Variants in CNTN6 observed in about 807,000 individuals in gnomAD.
CNTN6 encodes the protein contactin 6, also known as contactin-6.
In CNTN6, 137 loss-of-function variants were observed where a neutral mutation model predicts 122.8. The observed-to-expected ratio is 1.12, with a 90% CI of 0.97 to 1.29. The LOEUF (loss-of-function observed/expected upper bound fraction) is 1.29. Among genes scored for constraint, CNTN6 ranks in the 50% most tolerant of loss-of-function variants. The probability of loss-of-function intolerance (pLI) is 0.00; values close to 1 mark genes in which losing one functional copy is unlikely to be tolerated. For synonymous variants in CNTN6, 570 were observed against 426.0 expected (o/e 1.34, Z -4.16); for missense variants, 1,634 against 1,223.4 (o/e 1.34, Z -5.01).
At chr3:1,320,893 A>C (rs552611043) in intron 7 of CNTN6, among the ~76,000 whole-genome samples, 12 of 151,842 alleles carry the variant, frequency 7.9e-5, no homozygotes, top group Admixed American at 2.6e-4. Flanking sequence ...ATTAGACTAA[A>C]AATAATAGAT....
chr3:1,123,418 G>A (rs1182927225), intron 1 of CNTN6, among the ~76,000 whole-genome samples: 1 of 151,716 alleles, frequency 6.6e-6, no homozygotes, highest in Non-Finnish European at 1.5e-5. Flanking sequence ...ATTATACGTT[G>A]ATGTTTTTTT....
intron 5 of CNTN6, among the ~76,000 whole-genome samples, chr3:1,280,045 T>A (rs1693097070): frequency 2.0e-5 from 3 of 152,182 alleles, no homozygotes; most frequent in African/African-American, 7.2e-5. Flanking sequence ...GGCACCATAA[T>A]CTAAGATGAC....
At chr3:1,363,113 A>T (rs79816748) in intron 12 of CNTN6, among the ~76,000 whole-genome samples, 1 of 151,962 alleles carries the variant, frequency 6.6e-6, no homozygotes, top group East Asian at 1.9e-4. Context: ...TAAAAATTTC[A>T]TATATTTAAG....
intron 2 of CNTN6, among the ~76,000 whole-genome samples, chr3:1,194,049 G>A (rs980454316): frequency 5.9e-5 from 9 of 151,898 alleles, no homozygotes; most frequent in African/African-American, 2.4e-5. Flanking sequence ...TTTAGTTCAC[G>A]CAACCAAAGT....
chr3:1,142,402 C>G (rs930300152), intron 1 of CNTN6, among the ~76,000 whole-genome samples: 7 of 152,196 alleles, frequency 4.6e-5, no homozygotes, highest in African/African-American at 1.4e-4. Flanking sequence ...AAAGGCAGGG[C>G]TCACAGTCTG....
chr3:1,309,597 G>A (rs422088), intron 7 of CNTN6, among the ~76,000 whole-genome samples: 1,701 of 152,172 alleles, frequency 0.011, 35 homozygotes, highest in African/African-American at 0.039. Context: ...CATTGTGTTG[G>A]CTATTTTGTT....
intron 2 of CNTN6, among the ~76,000 whole-genome samples, chr3:1,168,877 T>A (rs1259068068): frequency 6.6e-6 from 1 of 152,230 alleles, no homozygotes; most frequent in Non-Finnish European, 1.5e-5. Context: ...TAGGTTAATT[T>A]TTTTTAAGAA....
rs143541336 is a variant in CNTN6 at position 1,137,014 on chromosome 3, A to G, written c.-82-10913A>G. On this transcript the variant is annotated intron_variant, in intron 1 of 22. Transcript: ENST00000446702. ...GTATTTGAAAAATTCTATTATTACT[A>G]TTATTCTCATTATCTTCCTTTTCAG... Among the ~76,000 whole-genome samples the G allele has an allele frequency of 1.3e-3, 200 of 152,212 alleles. 1 individual carries two copies. The highest frequency in any genetic ancestry group is 4.6e-3 in the African/African-American group (193 of 41,514).
At chr3:1,214,512 G>C (rs2094102382) in intron 2 of CNTN6, among the ~76,000 whole-genome samples, 1 of 151,670 alleles carries the variant, frequency 6.6e-6, no homozygotes, top group African/African-American at 2.4e-5. Flanking sequence ...GTTTCACTAT[G>C]TTGGCCAGGC....
At chr3:1,168,929 T>C (rs2093310743) in intron 2 of CNTN6, among the ~76,000 whole-genome samples, 1 of 152,150 alleles carries the variant, frequency 6.6e-6, no homozygotes, top group Non-Finnish European at 1.5e-5. Flanking sequence ...TCAAACTATA[T>C]TGCTGATATA....
intron 2 of CNTN6, among the ~76,000 whole-genome samples, chr3:1,157,257 G>T (rs1053617798): frequency 1.0e-4 from 15 of 149,180 alleles, no homozygotes; most frequent in African/African-American, 3.7e-4. Flanking sequence ...TGTCTCTGTT[G>T]CCCAGGCTGG....
At chr3:1,267,674 C>T (rs932682496) in intron 4 of CNTN6, among the ~76,000 whole-genome samples, 12 of 152,140 alleles carry the variant, frequency 7.9e-5, no homozygotes, top group Middle Eastern at 6.8e-3. Context: ...CATTTACGGT[C>T]CAAGTTAAAA....
intron 2 of CNTN6, among the ~76,000 whole-genome samples, chr3:1,195,485 A>G (rs2093763191): frequency 6.6e-6 from 1 of 152,208 alleles, no homozygotes. Flanking sequence ...GTTTTGATGA[A>G]GACTTGTAAA....
At position 1,101,056 on chromosome 3, in the gene CNTN6, T is replaced by C. The variant is rs575332334; in HGVS notation, c.-83+7936T>C. 2.6e-5 allele frequency among the ~76,000 whole-genome samples: 4 copies of C among 152,294 alleles called. No individual in the cohort carries two copies. The East Asian group carries it at 7.7e-4, about 29-fold the overall frequency. On this transcript the variant is annotated intron_variant, in intron 1 of 22. Transcript: ENST00000446702. ...GCTTTTGCATAGCATCGCATTGCTA[T>C]TGATTCTACAGTGGCTCTACAAATA... is the stretch of plus-strand genomic sequence containing the variant.
intron 4 of CNTN6, among the ~76,000 whole-genome samples, chr3:1,242,240 A>G (rs944923189): frequency 7.9e-5 from 12 of 151,844 alleles, no homozygotes; most frequent in South Asian, 2.1e-4. Context: ...AAGTGAAAGC[A>G]AAGAGAGGCT....
chr3:1,198,047 T>C (rs75533081), intron 2 of CNTN6, among the ~76,000 whole-genome samples: 4,575 of 152,270 alleles, frequency 0.03, 232 homozygotes, highest in African/African-American at 0.11. Flanking sequence ...ATGTGTCTAG[T>C]TGTACTAGAG....
At chr3:1,178,418 T>C (rs1211099233) in intron 2 of CNTN6, among the ~76,000 whole-genome samples, 1 of 152,182 alleles carries the variant, frequency 6.6e-6, no homozygotes, top group African/African-American at 2.4e-5. Context: ...CATTCCTAGA[T>C]TTCTACTTGA....
chr3:1,268,433 C>G (rs1437215250), intron 4 of CNTN6, among the ~76,000 whole-genome samples: 1 of 152,000 alleles, frequency 6.6e-6, no homozygotes, highest in South Asian at 2.1e-4. Flanking sequence ...TGGTGAAACC[C>G]CGTCTCTACT....
chr3:1,337,886 T>C (rs1197451520), intron 11 of CNTN6, among the ~76,000 whole-genome samples: 1 of 152,106 alleles, frequency 6.6e-6, no homozygotes, highest in Non-Finnish European at 1.5e-5. Flanking sequence ...CATTTTCCCC[T>C]CTTGCCATCC....
Sources: allele counts gnomAD v4.1 joint callset (sites outside exome capture counted in the v4.1 genomes callset), GRCh38; gene constraint gnomAD v4.1.1; transcripts MANE v1.5; gene names NCBI Gene and HGNC (gene_info 2026-07-23, HGNC 2026-07-21).